Variants in ZGRF1 observed in about 807,000 individuals in gnomAD.
ZGRF1 encodes the protein 5'-3' DNA helicase ZGRF1.
A neutral mutation model predicts 203.5 loss-of-function variants in ZGRF1; 196 were observed. The ratio of observed to expected loss-of-function variants is 0.96; its 90% confidence interval spans 0.86 to 1.08. The LOEUF is 1.08. ZGRF1 is among the 50% of genes least tolerant of loss of function. The pLI is 0.00. For missense variants in ZGRF1, 2,326 were observed against 2,416.3 expected, an observed-to-expected ratio of 0.96 and a Z score of 0.78; for synonymous variants, 809 against 841.3, an observed-to-expected ratio of 0.96 and a Z score of 0.66.
intron 8 of ZGRF1, among the ~76,000 whole-genome samples, chr4:112,606,375 G>T (rs985860828): frequency 2.0e-5 from 3 of 152,186 alleles, no homozygotes; most frequent in Admixed American, 2.0e-4. Flanking sequence ...AAAAATGCCA[G>T]GTATAACTGG....
At chr4:112,633,059 A>T in intron 2 of ZGRF1, 97 bp downstream of exon 2, 1 of 1,123,278 alleles carries the variant, frequency 8.9e-7, no homozygotes, top group South Asian at 1.3e-5. Flanking sequence ...TGTTTTTGCT[A>T]AATCTGGCAA....
intron 7 of ZGRF1, chr4:112,610,685 C>T (rs538415840): frequency 4.6e-5 from 7 of 152,752 alleles, no homozygotes; most frequent in African/African-American, 1.7e-4. Context: ...AAGGAAAAAA[C>T]TTAAAATGCA....
intron 6 of ZGRF1, among the ~76,000 whole-genome samples, chr4:112,613,421 G>T (rs1344323658): frequency 6.6e-6 from 1 of 152,046 alleles, no homozygotes; most frequent in South Asian, 2.1e-4. Context: ...AGTGCAGTGT[G>T]CCAGGCACTA....
rs2148835894 is a variant in ZGRF1, at chr4:112,548,241, C to A, written c.5474+12G>T. 1.3e-6 allele frequency: 2 copies of A among 1,551,852 alleles called. No homozygotes were observed. The highest frequency in any genetic ancestry group is 1.7e-6 in the Non-Finnish European group (2 of 1,146,874). On this transcript the variant is annotated intron_variant, in intron 23 of 27. Transcript: ENST00000505019. ...CAGGTATTACCCCTGGGGAAAGAAT[C>A]TTTTAGGTTACCTTGCAATGGGAAG...
At chr4:112,620,894 T>C (rs1334921834) in intron 4 of ZGRF1, among the ~76,000 whole-genome samples, 1 of 149,576 alleles carries the variant, frequency 6.7e-6, no homozygotes, top group African/African-American at 2.5e-5. Context: ...TAGCCAGGCA[T>C]GGTGGCATGT....
chr4:112,575,345 G>GT (rs1744962423), intron 16 of ZGRF1, among the ~76,000 whole-genome samples: 1 of 152,150 alleles, frequency 6.6e-6, no homozygotes, highest in Non-Finnish European at 1.5e-5. Flanking sequence ...AGCTCCCAGC[G>GT]TGAGCAATGC....
chr4:112,566,341 G>A (rs1347059838), intron 16 of ZGRF1, among the ~76,000 whole-genome samples: 5 of 119,318 alleles, frequency 4.2e-5, no homozygotes, highest in Non-Finnish European at 8.4e-5. Flanking sequence ...GGACTGTTGT[G>A]GGGTGGGGGG....
At chr4:112,602,964 T>C (rs2149093555) in intron 10 of ZGRF1, among the ~76,000 whole-genome samples, 1 of 152,338 alleles carries the variant, frequency 6.6e-6, no homozygotes, top group African/African-American at 2.4e-5. Flanking sequence ...GTGGAGGTTA[T>C]ATGAGTATGC....
intron 10 of ZGRF1, among the ~76,000 whole-genome samples, chr4:112,600,234 A>G (rs1357969988): frequency 1.3e-5 from 2 of 151,988 alleles, no homozygotes; most frequent in African/African-American, 2.4e-5. Context: ...GAGTCTCACT[A>G]TGTTGCCCAG....
intron 6 of ZGRF1, among the ~76,000 whole-genome samples, chr4:112,616,900 T>C (rs1049722993): frequency 1.3e-5 from 2 of 151,728 alleles, no homozygotes; most frequent in South Asian, 2.1e-4. Context: ...TGGTATAGGA[T>C]TGGAATTAGA....
At chr4:112,605,976 T>C (rs777098330) in intron 9 of ZGRF1, 32 bp downstream of exon 9, 1 of 1,341,932 alleles carries the variant, frequency 7.5e-7, no homozygotes, top group Non-Finnish European at 1.1e-6. Context: ...ATGTAGTTGG[T>C]TAAATAAATC....
chr4:112,573,332 C>T (rs1352707000), intron 16 of ZGRF1, among the ~76,000 whole-genome samples: 1 of 152,086 alleles, frequency 6.6e-6, no homozygotes, highest in East Asian at 1.9e-4. Context: ...TGTTCTTACT[C>T]ATAAGTGGGA....
chr4:112,574,905 A>G (rs1744865759), intron 16 of ZGRF1, among the ~76,000 whole-genome samples: 1 of 152,036 alleles, frequency 6.6e-6, no homozygotes, highest in South Asian at 2.1e-4. Flanking sequence ...GCGCATCTGT[A>G]ATCCCACCTA....
chr4:112,565,792 ATG>A (rs1742950534), intron 16 of ZGRF1, among the ~76,000 whole-genome samples: 2 of 152,190 alleles, frequency 1.3e-5, no homozygotes, highest in Non-Finnish European at 2.9e-5. Flanking sequence ...CAAAACCACA[ATG>A]AGATACCATC....
intron 10 of ZGRF1, among the ~76,000 whole-genome samples, chr4:112,592,931 T>C (rs948847005): frequency 7.2e-5 from 11 of 152,116 alleles, no homozygotes; most frequent in African/African-American, 2.7e-4. Flanking sequence ...TTAGTTACCT[T>C]ACAAAGAGAG....
At chr4:112,561,257 C>T in intron 18 of ZGRF1, 2 of 411,144 alleles carry the variant, frequency 4.9e-6, no homozygotes, top group Non-Finnish European at 8.9e-6. Flanking sequence ...GAAATCTTCA[C>T]AACAACACTA....
In ZGRF1 at chr4:112,617,548, G is replaced by T; in HGVS notation, c.2494C>A (p.Leu832Ile). The T allele has an allele frequency of 6.2e-7, 1 of 1,613,492 alleles. No homozygotes were observed. The highest frequency in any genetic ancestry group is 8.5e-7 in the Non-Finnish European group (1 of 1,179,762). ...TCTAAAGCAGTACTGTGTTCACATA[G>T]CGACTTTAAAATAGAAATGGTATTT... Reference protein sequence around the residue: ...LVNTISILKSLCEHSTALDSL... With the variant: ...LVNTISILKSICEHSTALDSL... Residue 832 changes from leucine to isoleucine, a missense_variant, in exon 6 of 28, where the codon CTA (leucine) becomes ATA (isoleucine). Physicochemically the swap from Leu to Ile is conservative, Grantham distance 5 (BLOSUM62 2). Coordinates refer to ENST00000505019, the MANE Select transcript of ZGRF1 (RefSeq NM_018392.5).
At chr4:112,581,254 A>G (rs1434172594) in intron 16 of ZGRF1, among the ~76,000 whole-genome samples, 2 of 131,830 alleles carry the variant, frequency 1.5e-5, no homozygotes, top group Non-Finnish European at 3.1e-5. Context: ...CAGGAAGGGG[A>G]ACATCACACA....
At position 112,540,842 on chromosome 4, in the gene ZGRF1, T is replaced by C. The variant is rs1386355710; in HGVS notation, c.5889A>G (p.Leu1963=). The part of the protein sequence containing the change: ...IAGSMIGVIT[L]YKSQMYKLCH... The stretch of plus-strand genomic sequence containing the variant: ...CAACCTTGTACATCTGGGATTTGTA[T>C]AATGTTATCACACCAATCATAGAGC... Residue 1963 remains leucine, a synonymous_variant, in exon 26 of 28, where the codon TTA becomes TTG. Coordinates refer to ENST00000505019, the MANE Select transcript of ZGRF1 (RefSeq NM_018392.5). 3 of 1,595,964 alleles carry C rather than the reference T, an allele frequency of 1.9e-6. No individual in the cohort carries two copies. Among genetic ancestry groups the C allele is most frequent in the South Asian group, 2.3e-5 (2 of 88,236 alleles).
Sources: gnomAD v4.1 joint callset for allele counts (sites outside exome capture counted in the v4.1 genomes callset) on GRCh38, gnomAD v4.1.1 for gene constraint, MANE v1.5 for transcripts, NCBI Gene and HGNC (gene_info 2026-07-23, HGNC 2026-07-21) for gene names.